The following HOXA1 variants were observed in gnomAD, a reference collection of about 807,000 sequenced individuals.
HOXA1 encodes the protein homeobox protein Hox-A1.
HOXA1 carries 21 observed loss-of-function variants against 28.3 expected under a neutral mutation model. The ratio of observed to expected loss-of-function variants is 0.74; its 90% CI spans 0.53 to 1.07. The LOEUF is 1.07. Among genes scored for constraint, HOXA1 ranks in the 50% least tolerant of loss-of-function variants. HOXA1 has a pLI of 0.00. For synonymous variants in HOXA1, 208 were observed against 181.2 expected (o/e 1.15, Z -1.19); for missense variants, 446 against 434.3 (o/e 1.03, Z -0.24).
intron 1 of HOXA1, 123 bp from the exon 2 acceptor site, chr7:27,094,918 G>T: frequency 2.6e-6 from 2 of 768,630 alleles, no homozygotes; most frequent in Non-Finnish European, 4.4e-6. Context: ...CACAAATCGG[G>T]CTGTGGAGGG....
At chr7:27,094,923 G>A (rs1278804413) in intron 1 of HOXA1, 128 bp from the exon 2 acceptor site, 1 of 752,216 alleles carries the variant, frequency 1.3e-6, no homozygotes, top group Non-Finnish European at 2.3e-6. Flanking sequence ...ATCGGGCTGT[G>A]GAGGGTGAGT....
Position 27,095,597 on chromosome 7 carries a change from C to T in HOXA1, c.316G>A (p.Ala106Thr). ...GPSYGSQNFSAPYSPYALNQE... is the reference protein window; with the variant it reads ...GPSYGSQNFSTPYSPYALNQE... ...TTTAACGCGTAGGGGCTGTAAGGCG[C>T]ACTGAAGTTCTGTGAGCCATAGCTT... The change falls in exon 1 of 2, where the codon GCG becomes ACG. Residue 106 changes from alanine (A) to threonine (T), a missense_variant. Ala to Thr is a moderately conservative substitution (Grantham distance 58). Coordinates refer to ENST00000643460, the MANE Select transcript of HOXA1 (RefSeq NM_005522.5). 6.2e-7 allele frequency: 1 copy of T among 1,614,108 alleles called. No individual in the cohort carries two copies. Among genetic ancestry groups the T allele is most frequent in the Non-Finnish European group, 8.5e-7 (1 of 1,180,024 alleles).
chr7:27,094,455 C>CA lies in HOXA1; in HGVS notation c.992dup (p.Thr332AspfsTer85). The CA allele has an allele frequency of 1.2e-6, 2 of 1,613,534 alleles. No homozygotes were observed. The highest frequency in any genetic ancestry group is 1.7e-6 in the Non-Finnish European group (2 of 1,179,524). On this transcript the variant is annotated frameshift_variant, in exon 2 of 2. Coordinates refer to ENST00000643460, the MANE Select transcript of HOXA1 (RefSeq NM_005522.5). LOFTEE classifies it high-confidence loss of function. ...TGGAGCCGCCTCAGTGGGAGGTAGT[C>CA]AGAGTGTCTGAGGTAGAAGACCCCG...
rs1184593662 is a variant in HOXA1 at position 27,095,692 on chromosome 7, TG to T, written c.220del (p.His74ThrfsTer40). 6.7e-7 allele frequency: 1 copy of T among 1,503,230 alleles called. No homozygotes were observed. The highest frequency in any genetic ancestry group is 9.1e-7 in the Non-Finnish European group (1 of 1,095,246). The allele number at this position is 1,503,230 out of a possible 1,614,324, so 93.1% of individuals were successfully genotyped here. On this transcript the variant is annotated frameshift_variant, in exon 1 of 2. Coordinates refer to ENST00000643460, the MANE Select transcript of HOXA1 (RefSeq NM_005522.5). LOFTEE classifies it high-confidence loss of function. ...AGTCTGGTAGGTAGCCGGCTGGGGG[TG>T]GCGATGGTGGTGGTGGTGGTGGTGG... ...PHHHHHHHHRHPQPATYQTSG... is the reference protein window; with the variant it reads ...PHHHHHHHHRXPQPATYQTSG...
rs1201469930 is a variant in HOXA1 at position 27,094,533 on chromosome 7, C to T, written c.915G>A (p.Glu305=). The change falls in exon 2 of 2, where the codon GAG becomes GAA. Residue 305 remains glutamate, a synonymous_variant. Coordinates refer to ENST00000643460, the MANE Select transcript of HOXA1 (RefSeq NM_005522.5). ...ACTTCTCTGAGGATTCCTCGGCCTTCTCGTCGTTTCCTGGCGGGGTGGCCG... is the reference window on the plus strand; with the variant it reads ...ACTTCTCTGAGGATTCCTCGGCCTTTTCGTCGTTTCCTGGCGGGGTGGCCG... ...ISPATPPGND[E]KAEESSEKSS... 1.2e-6 allele frequency: 2 copies of T among 1,614,238 alleles called. No individual in the cohort carries two copies. The highest frequency in any genetic ancestry group is 2.2e-5 in the East Asian group (1 of 44,884).
At chr7:27,094,964 A>G (rs888833693) in intron 1 of HOXA1, among the ~76,000 whole-genome samples, 169 bp from the exon 2 acceptor site, 1 of 152,098 alleles carries the variant, frequency 6.6e-6, no homozygotes, top group Non-Finnish European at 1.5e-5. Context: ...CCTGATGTAA[A>G]CCATTAGCAT....
rs1783755036 is a variant in HOXA1, at chr7:27,093,895, A to G, written c.*545T>C. The G allele has an allele frequency of 6.4e-6, 1 of 155,742 alleles. No homozygotes were observed. Among genetic ancestry groups the G allele is most frequent in the African/African-American group, 2.4e-5 (1 of 41,456 alleles). 9.6% of individuals were successfully genotyped at this position (155,742 alleles called of 1,614,324 possible). Reference sequence around the variant, plus strand: ...ACCTAAACATTTCTAGAAAATCTGTATAAAGATAAATCTCTTAGGACAAAG... The same window carrying G: ...ACCTAAACATTTCTAGAAAATCTGTGTAAAGATAAATCTCTTAGGACAAAG... On this transcript the variant is annotated 3_prime_UTR_variant, in exon 2 of 2. Transcript: ENST00000643460.
At chr7:27,094,926 G>A in intron 1 of HOXA1, 131 bp from the exon 2 acceptor site, 2 of 740,506 alleles carry the variant, frequency 2.7e-6, no homozygotes, top group Non-Finnish European at 4.6e-6. Flanking sequence ...GGGCTGTGGA[G>A]GGTGAGTGAT....
Position 27,094,676 on chromosome 7 carries a change from G to A in HOXA1, c.772C>T (p.Arg258Cys). ...FHFNKYLTRA[R>C]RVEIAASLQL... ...AGGGATGCAGCGATCTCCACCCTGC[G>A]GGCGCGCGTCAGGTACTTGTTGAAG... Residue 258 changes from arginine to cysteine, a missense_variant, in exon 2 of 2, where the codon CGC (arginine) becomes TGC (cysteine). Transcript: ENST00000643460. 1.2e-6 allele frequency: 2 copies of A among 1,614,120 alleles called. No individual in the cohort carries two copies. The highest frequency in any genetic ancestry group is 1.7e-6 in the Non-Finnish European group (2 of 1,179,984).
In HOXA1 at chr7:27,095,983, C is replaced by G; in HGVS notation, c.-71G>C. ...CAACTTTCTCACTTCCTCCATGGGG[C>G]CGGAGAAGAAAAATGATATGAATGT... On this transcript the variant is annotated 5_prime_UTR_variant, in exon 1 of 2. Transcript: ENST00000643460. 3.5e-6 allele frequency: 4 copies of G among 1,157,454 alleles called. No homozygotes were observed. Among genetic ancestry groups the G allele is most frequent in the South Asian group, 2.4e-5 (2 of 82,000 alleles). The allele number at this position is 1,157,454 out of a possible 1,614,324, so 71.7% of individuals were successfully genotyped here. A position where few individuals can be genotyped will look rare whatever the true frequency, so the allele number is the denominator to read the frequency against.
In HOXA1 at chr7:27,095,830, T is replaced by A; in HGVS notation, c.83A>T (p.Tyr28Phe). ...GDSGTCSARA[Y>F]PSDHRITTFQ... ...AGTTGTAATCCTATGGTCCGAGGGG[T>A]AGGCTCGGGCTGAGCAGGTCCCCGA... The change falls in exon 1 of 2, where the codon TAC becomes TTC. Residue 28 changes from tyrosine to phenylalanine, a missense_variant. By Grantham distance (22) the Tyr-to-Phe change is conservative (BLOSUM62 3). Coordinates refer to ENST00000643460, the MANE Select transcript of HOXA1 (RefSeq NM_005522.5). 2 of 1,613,776 alleles carry A rather than the reference T, an allele frequency of 1.2e-6. No homozygotes were observed. Among genetic ancestry groups the A allele is most frequent in the Non-Finnish European group, 1.7e-6 (2 of 1,179,882 alleles).
Position 27,094,491 on chromosome 7 carries a change from G to C in HOXA1, c.957C>G (p.Cys319Trp). ...ESSEKSSSSP[C>W]VPSPGSSTSD... ...AGGTAGAAGACCCCGGGGAAGGAAC[G>C]CAGGGCGAAGAGCTGGACTTCTCTG... The change falls in exon 2 of 2, where the codon TGC becomes TGG. Residue 319 changes from cysteine to tryptophan, a missense_variant. Physicochemically the swap from Cys to Trp is radical, Grantham distance 215. Coordinates refer to ENST00000643460, the MANE Select transcript of HOXA1 (RefSeq NM_005522.5). 2 of 1,614,206 alleles carry C rather than the reference G, an allele frequency of 1.2e-6. No individual in the cohort carries two copies. Among genetic ancestry groups the C allele is most frequent in the South Asian group, 2.2e-5 (2 of 91,090 alleles).
rs1488088492 is a variant in HOXA1 at position 27,095,470 on chromosome 7, C to G, written c.443G>C (p.Gly148Ala). 6.2e-7 allele frequency: 1 copy of G among 1,614,022 alleles called. No homozygotes were observed. The highest frequency in any genetic ancestry group is 1.3e-5 in the African/African-American group (1 of 74,896). ...CGAGCCCACCGCGCCCCCAGCATAA[C>G]CCTGGTGGTGGTGGTGATGCTGGAC... Reference protein sequence around the residue: ...PMVQHHHHHQGYAGGAVGSPQ... With the variant: ...PMVQHHHHHQAYAGGAVGSPQ... Residue 148 changes from glycine (G) to alanine (A), a missense_variant, in exon 1 of 2, where the codon GGT (glycine) becomes GCT (alanine). Transcript: ENST00000643460.
chr7:27,094,856 T>A (rs111259912), intron 1 of HOXA1, 61 bp from the exon 2 acceptor site: 17,358 of 1,217,454 alleles, frequency 0.014, 173 homozygotes, highest in South Asian at 0.03. Flanking sequence ...GACTTGAGAT[T>A]CCCCACACGC....
In HOXA1 at chr7:27,094,704, G is replaced by C. The variant is rs765041517; in HGVS notation, c.744C>G (p.Phe248Leu). 6.2e-7 allele frequency: 1 copy of C among 1,614,176 alleles called. No homozygotes were observed. The highest frequency in any genetic ancestry group is 8.5e-7 in the Non-Finnish European group (1 of 1,180,034). The change falls in exon 2 of 2, where the codon TTC (phenylalanine) becomes TTG (leucine). Residue 248 changes from phenylalanine (F) to leucine (L), a missense_variant. Coordinates refer to ENST00000643460, the MANE Select transcript of HOXA1 (RefSeq NM_005522.5). ...CGCGCGTCAGGTACTTGTTGAAGTG[G>C]AACTCCTTCTCCAGTTCCGTGAGCT... is the stretch of plus-strand genomic sequence containing the variant. ...TKQLTELEKEFHFNKYLTRAR... is the reference protein window; with the variant it reads ...TKQLTELEKELHFNKYLTRAR...
chr7:27,095,384 T>G lies in HOXA1; in HGVS notation c.529A>C (p.Asn177His). The G allele has an allele frequency of 5.0e-6, 8 of 1,614,012 alleles. No homozygotes were observed. The highest frequency in any genetic ancestry group is 6.8e-6 in the Non-Finnish European group (8 of 1,179,976). The change falls in exon 1 of 2, where the codon AAT (asparagine) becomes CAT (histidine). Residue 177 changes from asparagine to histidine, a missense_variant. Physicochemically the swap from Asn to His is moderately conservative, Grantham distance 68. Transcript: ENST00000643460. ...EHQSLALATY[N>H]NSLSPLHASH... ...GCGTGGAGAGGGGACAAGGAGTTAT[T>G]ATACGTAGCCAGGGCCAGGCTCTGG...
At position 27,094,015 on chromosome 7, in the gene HOXA1, T is replaced by G. The variant is rs1183342247; in HGVS notation, c.*425A>C. 5.2e-6 allele frequency: 1 copy of G among 191,860 alleles called. No homozygotes were observed. Among genetic ancestry groups the G allele is most frequent in the Non-Finnish European group, 1.1e-5 (1 of 90,482 alleles). The allele number at this position is 191,860 out of a possible 1,614,324, so 11.9% of individuals were successfully genotyped here. A position where few individuals can be genotyped will look rare whatever the true frequency, so the allele number is the denominator to read the frequency against. On this transcript the variant is annotated 3_prime_UTR_variant, in exon 2 of 2. Transcript: ENST00000643460. ...TATAGTGCATCTCTTCTTCCTGAGC[T>G]CCTGGACTCGCCTTTCGCTATATCC...
chr7:27,095,248 C>T lies in HOXA1; in HGVS notation c.652+13G>A, dbSNP rs1227933834. On this transcript the variant is annotated intron_variant, in intron 1 of 1. Transcript: ENST00000643460. ...GAATAATCAAGGAGCATCCACCAAC[C>T]AGCAGGACTGACCTGTTTTGGGAGG... is the stretch of plus-strand genomic sequence containing the variant. 7 of 1,613,732 alleles carry T rather than the reference C, an allele frequency of 4.3e-6. No homozygotes were observed. The highest frequency in any genetic ancestry group is 1.7e-5 in the Admixed American group (1 of 60,002).
At position 27,095,730 on chromosome 7, in the gene HOXA1, G is replaced by C. The variant is rs761654698; in HGVS notation, c.183C>G (p.Ile61Met). Residue 61 changes from isoleucine (I) to methionine (M), a missense_variant, in exon 1 of 2, where the codon ATC becomes ATG. By Grantham distance (10) the Ile-to-Met change is conservative. Coordinates refer to ENST00000643460, the MANE Select transcript of HOXA1 (RefSeq NM_005522.5). ...DRFLVGRGVQ[I>M]GSPHHHHHHH... The stretch of plus-strand genomic sequence containing the variant: ...GGTGGTGGTGGTGGTGGGGCGAACC[G>C]ATCTGCACCCCCCTGCCCACTAGGA... The C allele has an allele frequency of 3.1e-6, 5 of 1,613,650 alleles. No individual in the cohort carries two copies. The Admixed American group carries it at 8.3e-5, about 27-fold the overall frequency.
Sources: allele counts gnomAD v4.1 joint callset (sites outside exome capture counted in the v4.1 genomes callset), GRCh38; gene constraint gnomAD v4.1.1; transcripts MANE v1.5; gene names NCBI Gene and HGNC (gene_info 2026-07-23, HGNC 2026-07-21).